The following SLC36A1 variants were observed in gnomAD, a reference collection of about 807,000 sequenced individuals.
The protein encoded by SLC36A1 is proton-coupled amino acid transporter 1.
Under a neutral mutation model 47.5 loss-of-function variants are expected in SLC36A1, and 30 were observed. The ratio of observed to expected loss-of-function variants is 0.63; its 90% CI spans 0.47 to 0.86. The LOEUF (loss-of-function observed/expected upper bound fraction) is 0.86, where lower values mean the gene tolerates loss of function less well. Among genes scored for constraint, SLC36A1 ranks in the 40% least tolerant of loss-of-function variants. The pLI, the probability that SLC36A1 is intolerant of heterozygous loss-of-function variation, is 0.00. For missense variants in SLC36A1, 517 were observed against 606.0 expected (o/e 0.85, Z 1.54); for synonymous variants, 255 against 249.7 (o/e 1.02, Z -0.20).
At chr5:151,451,242 G>A (rs1753618545) in intron 1 of SLC36A1, among the ~76,000 whole-genome samples, 1 of 151,820 alleles carries the variant, frequency 6.6e-6, no homozygotes, top group Admixed American at 6.6e-5. Flanking sequence ...TTTTGGAGAT[G>A]AGGTCTCACT....
At position 151,474,159 on chromosome 5, in the gene SLC36A1, C is replaced by CAAA. The variant is rs1156305401; in HGVS notation, c.822+406_822+408dup. Reference sequence around the variant, plus strand: ...TGGGTGACAGAGCGAGACTCTGTCTCAAAAAAAAAAAAAAAAAAAAGAAAT... The same window carrying CAAA: ...TGGGTGACAGAGCGAGACTCTGTCTCAAAAAAAAAAAAAAAAAAAAAAAGAAAT... On this transcript the variant is annotated intron_variant, in intron 8 of 10. Transcript: ENST00000243389. Among the ~76,000 whole-genome samples the CAAA allele has an allele frequency of 3.3e-3, 199 of 59,918 alleles. 3 individuals are homozygous for CAAA. Among genetic ancestry groups the CAAA allele is most frequent in the Non-Finnish European group, 4.7e-3 (163 of 34,740 alleles). 39.3% of individuals were successfully genotyped at this position (59,918 alleles called of 152,430 possible). A position where few individuals can be genotyped will look rare whatever the true frequency, so the allele number is the denominator to read the frequency against.
chr5:151,434,625 T>G (rs1028717445), upstream of SLC36A1, among the ~76,000 whole-genome samples: 1 of 152,158 alleles, frequency 6.6e-6, no homozygotes, highest in Non-Finnish European at 1.5e-5. Context: ...TGTCATGGAC[T>G]GTGTATTGAA....
chr5:151,451,204 T>C (rs1753608842), intron 1 of SLC36A1, among the ~76,000 whole-genome samples: 3 of 151,990 alleles, frequency 2.0e-5, no homozygotes, highest in Admixed American at 2.0e-4. Context: ...TTTTACTTAT[T>C]ATTTATTTTA....
the SLC36A1 span, among the ~76,000 whole-genome samples, chr5:151,413,222 T>G: frequency 6.8e-6 from 1 of 147,988 alleles, no homozygotes; most frequent in Non-Finnish European, 1.5e-5. Flanking sequence ...AGAGATGACC[T>G]AGGCATCTTT....
rs960305698 is a variant in SLC36A1, at chr5:151,488,230, C to A, written c.1407C>A (p.Ile469=). ...LIQPSNAPIF[I]NSTCAFI is the part of the protein sequence containing the mutation. Reference sequence around the variant, plus strand: ...AGCCAAGCAATGCTCCCATCTTCATCAATTCCACCTGTGCCTTCATATAGG... The same window carrying A: ...AGCCAAGCAATGCTCCCATCTTCATAAATTCCACCTGTGCCTTCATATAGG... Residue 469 remains isoleucine (I), a synonymous_variant, in exon 11 of 11, where the codon ATC becomes ATA. Transcript: ENST00000243389. 6.2e-7 allele frequency: 1 copy of A among 1,614,040 alleles called. No homozygotes were observed. The highest frequency in any genetic ancestry group is 8.5e-7 in the Non-Finnish European group (1 of 1,180,006).
the SLC36A1 span, among the ~76,000 whole-genome samples, chr5:151,419,134 T>C: frequency 3.3e-5 from 5 of 152,358 alleles, no homozygotes; most frequent in African/African-American, 1.2e-4. Context: ...CAAACCATGC[T>C]GAACTGTGAG....
At position 151,480,000 on chromosome 5, in the gene SLC36A1, C is replaced by T. The variant is rs899979205; in HGVS notation, c.1159+511C>T. 8 of 834,740 alleles carry T rather than the reference C, an allele frequency of 9.6e-6. No individual in the cohort carries two copies. In the African/African-American group the frequency reaches 1.2e-4, roughly 13 times the overall value. The allele number at this position is 834,740 out of a possible 1,614,324, so 51.7% of individuals were successfully genotyped here. ...TTTCAGAAAATTTCTATTGATTAAC[C>T]TAGGTATTTGATTGATCACTTGTGT... On this transcript the variant is annotated intron_variant, in intron 10 of 10. Coordinates refer to ENST00000243389, the MANE Select transcript of SLC36A1 (RefSeq NM_078483.4).
At chr5:151,409,179 T>TG in the SLC36A1 span, among the ~76,000 whole-genome samples, 61,777 of 151,560 alleles carry the variant, frequency 0.41, 12,725 homozygotes, top group African/African-American at 0.45. Flanking sequence ...TTTTGTGTTT[T>TG]GGTAGAGACA....
the SLC36A1 span, chr5:151,538,047 G>C: frequency 1.0e-4 from 102 of 988,842 alleles, no homozygotes; most frequent in African/African-American, 1.5e-3. Context: ...CAGAAAGAGA[G>C]ACACTAAGAG....
chr5:151,546,356 C>T, the SLC36A1 span: 1 of 1,595,474 alleles, frequency 6.3e-7, no homozygotes, highest in Non-Finnish European at 8.5e-7. Context: ...GAAGACAAGA[C>T]AAACAAGTTT....
At chr5:151,534,952 T>C in the SLC36A1 span, among the ~76,000 whole-genome samples, 1 of 138,930 alleles carries the variant, frequency 7.2e-6, no homozygotes, top group East Asian at 2.2e-4. Context: ...CTTTGGTTCG[T>C]AATTCCACTT....
chr5:151,455,440 G>T (rs542835379), intron 1 of SLC36A1, among the ~76,000 whole-genome samples: 1 of 152,106 alleles, frequency 6.6e-6, no homozygotes, highest in African/African-American at 2.4e-5. Context: ...TCAGCTTCTT[G>T]TTGAGAAGTT....
chr5:151,346,619 C>A, the SLC36A1 span, among the ~76,000 whole-genome samples: 1 of 152,178 alleles, frequency 6.6e-6, no homozygotes, highest in Non-Finnish European at 1.5e-5. Flanking sequence ...ACACCCCACA[C>A]CTTTTGTTCC....
chr5:151,511,947 C>G, the SLC36A1 span: 3 of 575,002 alleles, frequency 5.2e-6, no homozygotes, highest in South Asian at 2.1e-5. Context: ...TCCCTCATCC[C>G]CCCAGAAGTA....
chr5:151,400,992 T>C, the SLC36A1 span, among the ~76,000 whole-genome samples: 1,909 of 152,334 alleles, frequency 0.013, 51 homozygotes, highest in African/African-American at 0.044. Flanking sequence ...ATCCTGTTGA[T>C]AGTTAATTTT....
At chr5:151,349,695 A>T in the SLC36A1 span, among the ~76,000 whole-genome samples, 828 of 152,312 alleles carry the variant, frequency 5.4e-3, 9 homozygotes, top group African/African-American at 0.019. Flanking sequence ...AAAAGAGTGG[A>T]GCAAATGGGA....
the SLC36A1 span, among the ~76,000 whole-genome samples, chr5:151,392,592 G>A: frequency 6.6e-6 from 1 of 152,152 alleles, no homozygotes; most frequent in African/African-American, 2.4e-5. Flanking sequence ...AGAGATTTTG[G>A]TATGTTGTGT....
intron 1 of SLC36A1, 68 bp downstream of exon 1, chr5:151,447,881 TACGACGCTGACA>T (rs1753057107): frequency 6.6e-6 from 1 of 152,302 alleles, no homozygotes; most frequent in African/African-American, 2.4e-5. Flanking sequence ...GCAGCTGCGG[TACGACGCTGACA>T]CCCCTCTGTG....
intron 7 of SLC36A1, among the ~76,000 whole-genome samples, chr5:151,470,379 T>G (rs571317109): frequency 3.3e-4 from 50 of 152,218 alleles, no homozygotes; most frequent in Admixed American, 8.5e-4. Context: ...TTATAGCGTC[T>G]CAGTCCCAAC....
Sources: allele counts gnomAD v4.1 joint callset (sites outside exome capture counted in the v4.1 genomes callset), GRCh38; gene constraint gnomAD v4.1.1; transcripts MANE v1.5; gene names NCBI Gene and HGNC (gene_info 2026-07-23, HGNC 2026-07-21).